The following TBC1D5 variants were observed in gnomAD, a reference collection of about 807,000 sequenced individuals.
TBC1D5 encodes the protein TBC1 domain family, member 5.
In TBC1D5, 75 loss-of-function variants were observed where a neutral mutation model predicts 100.3. The ratio of observed to expected loss-of-function variants is 0.75; its 90% confidence interval spans 0.62 to 0.91. TBC1D5 has a LOEUF of 0.91. TBC1D5 is among the 40% of genes least tolerant of loss of function. The pLI is 0.00. For missense variants in TBC1D5, 910 were observed against 942.4 expected (o/e 0.97, Z 0.45); for synonymous variants, 323 against 325.6 (o/e 0.99, Z 0.09).
chr3:17,178,747 C>T (rs2068097877), intron 19 of TBC1D5, among the ~76,000 whole-genome samples: 1 of 152,180 alleles, frequency 6.6e-6, no homozygotes, highest in African/African-American at 2.4e-5. Flanking sequence ...ACAAGTGATC[C>T]TCCCAGCTCA....
intron 19 of TBC1D5, among the ~76,000 whole-genome samples, chr3:17,181,371 G>C (rs1247663539): frequency 6.6e-6 from 1 of 152,210 alleles, no homozygotes; most frequent in African/African-American, 2.4e-5. Flanking sequence ...TCCCTGAGAA[G>C]AGACAGTTAA....
chr3:17,635,914 C>T (rs188120427), intron 1 of TBC1D5, among the ~76,000 whole-genome samples: 8 of 151,916 alleles, frequency 5.3e-5, no homozygotes, highest in Middle Eastern at 3.4e-3. Context: ...ATGTTTTGGC[C>T]GGACACGGTG....
At chr3:17,707,752 A>G (rs1024854135) in intron 1 of TBC1D5, among the ~76,000 whole-genome samples, 1 of 152,226 alleles carries the variant, frequency 6.6e-6, no homozygotes, top group Non-Finnish European at 1.5e-5. Flanking sequence ...ATAAAAATAT[A>G]TCCTTTTCTC....
At chr3:17,185,032 G>A (rs780366819) in intron 19 of TBC1D5, 77 bp downstream of exon 20, 34 of 1,298,758 alleles carry the variant, frequency 2.6e-5, no homozygotes, top group Non-Finnish European at 3.6e-5. Flanking sequence ...CTTAGCACAA[G>A]GCCTAGAACA....
chr3:17,726,392 T>C (rs113328183), intron 1 of TBC1D5, among the ~76,000 whole-genome samples: 24 of 152,328 alleles, frequency 1.6e-4, no homozygotes, highest in African/African-American at 5.3e-4. Context: ...GACTTTTTAG[T>C]AATAGCCATT....
chr3:17,584,525 TA>T (rs1254193822), intron 2 of TBC1D5, among the ~76,000 whole-genome samples: 2 of 152,230 alleles, frequency 1.3e-5, no homozygotes, highest in Admixed American at 1.3e-4. Flanking sequence ...TGAGGTTCAA[TA>T]ATTCTTTAAG....
intron 15 of TBC1D5, among the ~76,000 whole-genome samples, chr3:17,289,407 T>C (rs984683681): frequency 4.6e-5 from 7 of 151,846 alleles, no homozygotes; most frequent in Admixed American, 3.3e-4. Flanking sequence ...CTGAGAGAGA[T>C]CCTGCGTCAA....
chr3:17,725,020 C>T (rs1340461726), intron 1 of TBC1D5, among the ~76,000 whole-genome samples: 1 of 152,102 alleles, frequency 6.6e-6, no homozygotes, highest in East Asian at 1.9e-4. Flanking sequence ...GTTTCTTGTT[C>T]CCAGCAGATA....
chr3:17,353,403 T>C (rs2090864298), intron 13 of TBC1D5, among the ~76,000 whole-genome samples: 1 of 152,080 alleles, frequency 6.6e-6, no homozygotes, highest in African/African-American at 2.4e-5. Flanking sequence ...ATACACTTTT[T>C]ATATTTAATT....
In TBC1D5 at chr3:17,334,467, C is replaced by T. The variant is rs538677481; in HGVS notation, c.996-26333G>A. Among the ~76,000 whole-genome samples the T allele has an allele frequency of 2.6e-5, 4 of 152,054 alleles. No homozygotes were observed. In the East Asian group the frequency reaches 7.7e-4, roughly 29 times the overall value. ...ATTCTGGGAGTTAATTATTATGTCC[C>T]CATTTTATAGACGAAGCAGTTGCAG... On this transcript the variant is annotated intron_variant, in intron 13 of 21. Transcript: ENST00000253692.
At chr3:17,630,224 C>T (rs1227187920) in intron 1 of TBC1D5, among the ~76,000 whole-genome samples, 1 of 152,150 alleles carries the variant, frequency 6.6e-6, no homozygotes, top group Admixed American at 6.6e-5. Flanking sequence ...ACTGACATAC[C>T]TACTTTTATT....
At position 17,702,989 on chromosome 3, in the gene TBC1D5, G is replaced by A. The variant is rs186406609; in HGVS notation, c.-101+36354C>T. On this transcript the variant is annotated intron_variant, in intron 1 of 21. Coordinates refer to ENST00000253692, the Ensembl canonical transcript of TBC1D5. ...ATATTGATTCAAAGTTAATGCCTCA[G>A]CAGATACAAAACACCAAACATCTTT... Among the ~76,000 whole-genome samples the A allele has an allele frequency of 8.5e-5, 13 of 152,156 alleles. 1 individual carries two copies. The East Asian group carries it at 2.3e-3, about 27-fold the overall frequency.
rs533843012 is a variant in TBC1D5, at chr3:17,320,935, A to G, written c.996-12801T>C. Among the ~76,000 whole-genome samples the G allele has an allele frequency of 1.6e-3, 247 of 152,358 alleles. 2 individuals carry two copies. The highest frequency in any genetic ancestry group is 5.7e-3 in the African/African-American group (238 of 41,578). On this transcript the variant is annotated intron_variant, in intron 13 of 21. Coordinates refer to ENST00000253692, the Ensembl canonical transcript of TBC1D5. ...ATGGTATCTTTATAATACATTTACC[A>G]GTGGGTTCATTCCAGAACATAAATT... is the stretch of plus-strand genomic sequence containing the variant.
At chr3:17,177,328 G>A (rs1355300682) in intron 19 of TBC1D5, among the ~76,000 whole-genome samples, 2 of 152,140 alleles carry the variant, frequency 1.3e-5, no homozygotes, top group Non-Finnish European at 2.9e-5. Flanking sequence ...GTTGGTATAA[G>A]GAAGATGCTG....
At chr3:17,327,156 T>C (rs1575352466) in intron 13 of TBC1D5, among the ~76,000 whole-genome samples, 2 of 152,350 alleles carry the variant, frequency 1.3e-5, no homozygotes, top group Non-Finnish European at 2.9e-5. Context: ...ACTACTGTTA[T>C]ATTATGGCAG....
At chr3:17,422,488 C>A (rs1308575817) in intron 4 of TBC1D5, among the ~76,000 whole-genome samples, 1 of 151,812 alleles carries the variant, frequency 6.6e-6, no homozygotes, top group East Asian at 1.9e-4. Context: ...AGCCTGCTCT[C>A]GTCCAATGAG....
intron 2 of TBC1D5, among the ~76,000 whole-genome samples, chr3:17,562,504 C>T (rs1296282271): frequency 1.3e-5 from 2 of 150,312 alleles, no homozygotes; most frequent in African/African-American, 2.4e-5. Context: ...AGTAAGACTG[C>T]ATGACTTAAA....
intron 15 of TBC1D5, among the ~76,000 whole-genome samples, chr3:17,262,005 T>C (rs562950794): frequency 1.3e-5 from 2 of 152,322 alleles, no homozygotes; most frequent in East Asian, 1.9e-4. Context: ...TGATTTCTCA[T>C]TGGGCAGAAC....
At chr3:17,278,384 A>T (rs2080238774) in intron 15 of TBC1D5, among the ~76,000 whole-genome samples, 1 of 152,204 alleles carries the variant, frequency 6.6e-6, no homozygotes, top group Admixed American at 6.5e-5. Flanking sequence ...TGGCACCTCG[A>T]TATGTGTATA....
Sources: gnomAD v4.1 joint callset for allele counts (sites outside exome capture counted in the v4.1 genomes callset) on GRCh38, gnomAD v4.1.1 for gene constraint, MANE v1.5 for transcripts, NCBI Gene and HGNC (gene_info 2026-07-23, HGNC 2026-07-21) for gene names.